The following CCBE1 variants were observed in gnomAD, a reference collection of about 807,000 sequenced individuals.
The protein encoded by CCBE1 is collagen and calcium binding EGF domains 1, also known as collagen and calcium-binding EGF domain-containing protein 1.
A neutral mutation model predicts 50.0 loss-of-function variants in CCBE1; 37 were observed. The observed-to-expected ratio is 0.74, with a 90% confidence interval of 0.57 to 0.97. The LOEUF is 0.97. CCBE1 is among the 50% of genes least tolerant of loss of function. CCBE1 has a pLI of 0.00. For missense variants in CCBE1, 538 were observed against 523.8 expected, an observed-to-expected ratio of 1.03 and a Z score of -0.26; for synonymous variants, 234 against 203.7, an observed-to-expected ratio of 1.15 and a Z score of -1.27.
chr18:59,629,365 C>G (rs2053824959), intron 2 of CCBE1, among the ~76,000 whole-genome samples: 1 of 152,182 alleles, frequency 6.6e-6, no homozygotes, highest in Non-Finnish European at 1.5e-5. Flanking sequence ...ACTCCCTGTC[C>G]CAGCCATTTC....
At chr18:59,541,721 A>G (rs1915472358) in intron 2 of CCBE1, among the ~76,000 whole-genome samples, 1 of 152,184 alleles carries the variant, frequency 6.6e-6, no homozygotes, top group Non-Finnish European at 1.5e-5. Context: ...GTTGAAGGGA[A>G]AGATTTCGGA....
chr18:59,547,287 AAAT>A (rs1172859949), intron 2 of CCBE1, among the ~76,000 whole-genome samples: 3 of 152,092 alleles, frequency 2.0e-5, no homozygotes, highest in African/African-American at 7.2e-5. Flanking sequence ...GAGGTGGAAA[AAAT>A]AAGACAGAGC....
intron 3 of CCBE1, among the ~76,000 whole-genome samples, chr18:59,477,062 T>C (rs1382836954): frequency 2.0e-5 from 3 of 152,232 alleles, no homozygotes; most frequent in Non-Finnish European, 4.4e-5. Context: ...AATGATTCCA[T>C]TGAACTGAAA....
At chr18:59,665,408 G>A (rs369546899) in intron 2 of CCBE1, among the ~76,000 whole-genome samples, 1 of 152,164 alleles carries the variant, frequency 6.6e-6, no homozygotes, top group African/African-American at 2.4e-5. Flanking sequence ...GAATCCACAG[G>A]AATTTTTTAT....
At chr18:59,659,244 A>G (rs2144684792) in intron 2 of CCBE1, among the ~76,000 whole-genome samples, 1 of 152,280 alleles carries the variant, frequency 6.6e-6, no homozygotes, top group South Asian at 2.1e-4. Flanking sequence ...TCCCACACTG[A>G]AGTTGAGGCA....
chr18:59,683,311 G>A (rs746360159), intron 2 of CCBE1, among the ~76,000 whole-genome samples: 3 of 152,186 alleles, frequency 2.0e-5, no homozygotes, highest in Non-Finnish European at 4.4e-5. Context: ...ATCCAATAGT[G>A]GGTCAATCTG....
chr18:59,578,453 A>T (rs564389673), intron 2 of CCBE1, among the ~76,000 whole-genome samples: 2 of 152,308 alleles, frequency 1.3e-5, no homozygotes, highest in Admixed American at 6.5e-5. Flanking sequence ...CTGGGTATAT[A>T]CCCAAAGGAT....
chr18:59,619,558 T>C (rs1240450936), intron 2 of CCBE1, among the ~76,000 whole-genome samples: 1 of 152,262 alleles, frequency 6.6e-6, no homozygotes, highest in Non-Finnish European at 1.5e-5. Context: ...GTGTATTATA[T>C]ATAAAGTCTC....
In CCBE1 at chr18:59,435,963, T is replaced by C. The variant is rs751464648; in HGVS notation, c.1166A>G (p.His389Arg). 5.6e-6 allele frequency: 9 copies of C among 1,614,032 alleles called. No individual in the cohort carries two copies. Among genetic ancestry groups the C allele is most frequent in the South Asian group, 2.2e-5 (2 of 91,080 alleles). ...GTCTCTTGTCTCAGTTCTTCTTGGA[T>C]GGTCATCTCCAGAGCCCAGGTCCAT... ...EAMDLGSGDD[H>R]PRRTETRDLR... is the part of the protein sequence containing the mutation. The change falls in exon 11 of 11, where the codon CAT becomes CGT. Residue 389 changes from histidine to arginine, a missense_variant. His to Arg is a conservative substitution (Grantham distance 29). Coordinates refer to ENST00000439986, the MANE Select transcript of CCBE1 (RefSeq NM_133459.4).
rs189419817 is a variant in CCBE1, at chr18:59,609,014, G to C, written c.212+87615C>G. 5.3e-5 allele frequency among the ~76,000 whole-genome samples: 8 copies of C among 152,288 alleles called. No homozygotes were observed. In the East Asian group the frequency reaches 1.2e-3, roughly 22 times the overall value. On this transcript the variant is annotated intron_variant, in intron 2 of 10. Transcript: ENST00000439986. The stretch of plus-strand genomic sequence containing the variant: ...CTGTGATGGGAAACCCAACAGACTT[G>C]AGTTCTTGCATTATGTGACTTGTCA...
intron 4 of CCBE1, among the ~76,000 whole-genome samples, chr18:59,467,357 C>T (rs1911799447): frequency 6.6e-6 from 1 of 152,174 alleles, no homozygotes; most frequent in East Asian, 1.9e-4. Flanking sequence ...TTCCAAACAG[C>T]ATGACGATGA....
chr18:59,566,959 G>A (rs1292706153), intron 2 of CCBE1, among the ~76,000 whole-genome samples: 1 of 152,096 alleles, frequency 6.6e-6, no homozygotes, highest in Non-Finnish European at 1.5e-5. Flanking sequence ...TTTAAAGAAC[G>A]AGCCTCATAA....
At chr18:59,439,649 G>C (rs751158929) in intron 8 of CCBE1, 28 bp downstream of exon 8, 1 of 1,614,226 alleles carries the variant, frequency 6.2e-7, no homozygotes, top group Admixed American at 1.7e-5. Flanking sequence ...CCCCCAAAAA[G>C]GAAGTGGATC....
intron 2 of CCBE1, among the ~76,000 whole-genome samples, chr18:59,574,613 G>T (rs1334263964): frequency 6.6e-6 from 1 of 152,170 alleles, no homozygotes; most frequent in African/African-American, 2.4e-5. Context: ...TTTTGAGGAA[G>T]AAAGTAGAAA....
intron 2 of CCBE1, among the ~76,000 whole-genome samples, chr18:59,542,046 C>T (rs571127082): frequency 8.6e-5 from 13 of 151,798 alleles, no homozygotes; most frequent in Non-Finnish European, 1.6e-4. Context: ...TATGGTAGCA[C>T]GTCTGTAGTC....
chr18:59,495,321 C>T (rs1200590474), intron 2 of CCBE1, among the ~76,000 whole-genome samples: 2 of 151,434 alleles, frequency 1.3e-5, no homozygotes, highest in South Asian at 2.1e-4. Context: ...TTTGGATAAT[C>T]GGTTTGGATA....
intron 2 of CCBE1, among the ~76,000 whole-genome samples, chr18:59,670,083 C>T (rs1476660023): frequency 2.7e-5 from 4 of 150,682 alleles, no homozygotes; most frequent in African/African-American, 4.9e-5. Context: ...TCAACATGTG[C>T]TTCTATTTTA....
At chr18:59,697,095 G>A (rs2144763184) in intron 1 of CCBE1, 117 bp downstream of exon 1, 1 of 1,373,034 alleles carries the variant, frequency 7.3e-7, no homozygotes, top group East Asian at 2.5e-5. Flanking sequence ...TATCCCCGGA[G>A]AAGTGAGGGC....
intron 2 of CCBE1, among the ~76,000 whole-genome samples, chr18:59,660,265 GA>G (rs147639497): frequency 0.016 from 2,481 of 152,252 alleles, 75 homozygotes; most frequent in African/African-American, 0.055. Context: ...CACAAACACA[GA>G]AAATATAAAA....
Sources: allele counts gnomAD v4.1 joint callset (sites outside exome capture counted in the v4.1 genomes callset), GRCh38; gene constraint gnomAD v4.1.1; transcripts MANE v1.5; gene names NCBI Gene and HGNC (gene_info 2026-07-23, HGNC 2026-07-21).